The following NDFIP2 variants were observed in gnomAD, a reference collection of about 807,000 sequenced individuals.
NDFIP2 encodes the protein Nedd4 family interacting protein 2.
Under a neutral mutation model 36.0 loss-of-function variants are expected in NDFIP2, and 19 were observed. That is an observed-to-expected ratio of 0.53 (90% CI 0.37 to 0.77). The LOEUF is 0.77. NDFIP2 is among the 30% of genes least tolerant of loss of function. The probability of loss-of-function intolerance (pLI) is 0.00; values close to 1 mark genes in which losing one functional copy is unlikely to be tolerated. For missense variants in NDFIP2, 446 were observed against 435.8 expected, an observed-to-expected ratio of 1.02 and a Z score of -0.21; for synonymous variants, 181 against 167.7, an observed-to-expected ratio of 1.08 and a Z score of -0.61.
In NDFIP2 at chr13:79,554,459, A is replaced by G. The variant is rs1876029717; in HGVS notation, c.*1946A>G. 2 of 151,852 alleles carry G rather than the reference A, an allele frequency of 1.3e-5. No individual in the cohort carries two copies. The highest frequency in any genetic ancestry group is 2.1e-4 in the South Asian group (1 of 4,820). 9.4% of individuals were successfully genotyped at this position (151,852 alleles called of 1,614,324 possible). ...AAAATTTCATTTTAGCTTTTATGGT[A>G]TATGTGCTTGTTTTCTGAATATGGA... On this transcript the variant is annotated 3_prime_UTR_variant, in exon 8 of 8. Transcript: ENST00000218652.
intron 4 of NDFIP2, among the ~76,000 whole-genome samples, chr13:79,540,123 T>C (rs1875399505): frequency 6.6e-6 from 1 of 152,196 alleles, no homozygotes; most frequent in African/African-American, 2.4e-5. Context: ...AACTATAAAT[T>C]GCACTATTGG....
rs970266987 is a variant in NDFIP2, at chr13:79,553,529, A to G, written c.*1016A>G. The G allele has an allele frequency of 2.0e-5, 3 of 151,638 alleles. No individual in the cohort carries two copies. Among genetic ancestry groups the G allele is most frequent in the Non-Finnish European group, 4.4e-5 (3 of 67,550 alleles). 9.4% of individuals were successfully genotyped at this position (151,638 alleles called of 1,614,324 possible). ...GGCCAATAAAATATCTTTCAGTATC[A>G]TTGTAATAATTTTTTAGAGTTTAAT... On this transcript the variant is annotated 3_prime_UTR_variant, in exon 8 of 8. Transcript: ENST00000218652.
At chr13:79,485,247 CAACA>C (rs1872922274) in intron 1 of NDFIP2, among the ~76,000 whole-genome samples, 1 of 151,926 alleles carries the variant, frequency 6.6e-6, no homozygotes, top group Admixed American at 6.6e-5. Context: ...TCTTAGCAAA[CAACA>C]AACAAACTAG....
At chr13:79,499,325 G>A (rs1055315093) in intron 1 of NDFIP2, among the ~76,000 whole-genome samples, 3 of 151,922 alleles carry the variant, frequency 2.0e-5, no homozygotes, top group African/African-American at 7.2e-5. Context: ...CAAGAACCAG[G>A]CAAGGATGTC....
chr13:79,535,489 T>C (rs1048026862), intron 3 of NDFIP2, among the ~76,000 whole-genome samples: 2 of 152,166 alleles, frequency 1.3e-5, no homozygotes, highest in Non-Finnish European at 2.9e-5. Context: ...AATTGGAACA[T>C]GTCCATAAAG....
intron 1 of NDFIP2, among the ~76,000 whole-genome samples, chr13:79,488,371 G>A (rs1022104022): frequency 2.0e-5 from 3 of 151,956 alleles, no homozygotes; most frequent in African/African-American, 7.3e-5. Context: ...TACGTTATTT[G>A]GTTGAGTTTA....
intron 2 of NDFIP2, among the ~76,000 whole-genome samples, chr13:79,529,682 T>A (rs1443607169): frequency 6.6e-6 from 1 of 152,204 alleles, no homozygotes; most frequent in Non-Finnish European, 1.5e-5. Flanking sequence ...TTCAGGTCCT[T>A]AGCTCTTATT....
At chr13:79,492,652 C>G (rs1873278756) in intron 1 of NDFIP2, among the ~76,000 whole-genome samples, 1 of 152,066 alleles carries the variant, frequency 6.6e-6, no homozygotes. Context: ...TCCCAAAGTG[C>G]TGGGATTACT....
intron 3 of NDFIP2, among the ~76,000 whole-genome samples, chr13:79,535,085 G>A (rs537427769): frequency 6.6e-6 from 1 of 152,208 alleles, no homozygotes; most frequent in Middle Eastern, 3.4e-3. Flanking sequence ...ACATCACAGA[G>A]GAGGAGGATA....
intron 6 of NDFIP2, 109 bp downstream of exon 6, chr13:79,548,503 T>C: frequency 1.2e-6 from 1 of 868,056 alleles, no homozygotes; most frequent in Non-Finnish European, 1.8e-6. Flanking sequence ...TTCTGTAAAA[T>C]TCTCATATTC....
At chr13:79,493,898 CA>C (rs1873339217) in intron 1 of NDFIP2, among the ~76,000 whole-genome samples, 1 of 151,920 alleles carries the variant, frequency 6.6e-6, no homozygotes, top group African/African-American at 2.4e-5. Context: ...TAAAAAAAAT[CA>C]AATAGTACAT....
chr13:79,546,323 A>T (rs1217137167), intron 5 of NDFIP2, among the ~76,000 whole-genome samples: 1 of 152,160 alleles, frequency 6.6e-6, no homozygotes, highest in Non-Finnish European at 1.5e-5. Context: ...TTCTGATACT[A>T]CTTCTATCTA....
rs1430062163 is a variant in NDFIP2, at chr13:79,528,936, T to G, written c.488-4387T>G. Reference sequence around the variant, plus strand: ...ACTGTATTTTAAACATGAGCTCTGCTAGATTTTGCAGAGATTATATTCTCC... The same window carrying G: ...ACTGTATTTTAAACATGAGCTCTGCGAGATTTTGCAGAGATTATATTCTCC... On this transcript the variant is annotated intron_variant, in intron 2 of 7. Transcript: ENST00000218652. Among the ~76,000 whole-genome samples, 4 of 152,222 alleles carry G rather than the reference T, an allele frequency of 2.6e-5. No individual in the cohort carries two copies. The South Asian group carries it at 6.2e-4, about 24-fold the overall frequency.
chr13:79,555,754 A>G lies in NDFIP2; in HGVS notation c.*3241A>G, dbSNP rs1235535243. ...GATAAAGGTCAATTGTTAGATGATAATGTGCCATTCATTATCATAGGAATG... is the reference window on the plus strand; with the variant it reads ...GATAAAGGTCAATTGTTAGATGATAGTGTGCCATTCATTATCATAGGAATG... On this transcript the variant is annotated 3_prime_UTR_variant, in exon 8 of 8. Coordinates refer to ENST00000218652, the MANE Select transcript of NDFIP2 (RefSeq NM_019080.3). 1.3e-5 allele frequency: 2 copies of G among 152,144 alleles called. No individual in the cohort carries two copies. 9.4% of individuals were successfully genotyped at this position (152,144 alleles called of 1,614,324 possible).
chr13:79,528,658 T>C (rs896386972), intron 2 of NDFIP2, among the ~76,000 whole-genome samples: 2 of 152,202 alleles, frequency 1.3e-5, no homozygotes, highest in Admixed American at 6.5e-5. Context: ...ATTTTTACTG[T>C]ACTTTTTCTA....
chr13:79,506,430 T>A (rs1219854697), intron 1 of NDFIP2, among the ~76,000 whole-genome samples: 1 of 152,154 alleles, frequency 6.6e-6, no homozygotes, highest in Non-Finnish European at 1.5e-5. Flanking sequence ...TATTTTATTG[T>A]CTTGATACGG....
intron 1 of NDFIP2, among the ~76,000 whole-genome samples, chr13:79,505,221 C>T (rs371093002): frequency 2.6e-5 from 4 of 152,266 alleles, no homozygotes; most frequent in East Asian, 1.9e-4. Context: ...CACAGAATTG[C>T]TTGTGGAAAG....
chr13:79,492,911 C>G (rs1873298113), intron 1 of NDFIP2, among the ~76,000 whole-genome samples: 1 of 152,146 alleles, frequency 6.6e-6, no homozygotes, highest in South Asian at 2.1e-4. Flanking sequence ...TCTTCCAGGA[C>G]TAATTTCAAT....
chr13:79,548,579 C>T (rs2137118180), intron 6 of NDFIP2, among the ~76,000 whole-genome samples, 185 bp downstream of exon 6: 1 of 152,048 alleles, frequency 6.6e-6, no homozygotes, highest in South Asian at 2.1e-4. Context: ...ATTTAAAATC[C>T]AGAGGCTATC....
Sources: allele counts gnomAD v4.1 joint callset (sites outside exome capture counted in the v4.1 genomes callset), GRCh38; gene constraint gnomAD v4.1.1; transcripts MANE v1.5; gene names NCBI Gene and HGNC (gene_info 2026-07-23, HGNC 2026-07-21).